Variants in ZFHX4 observed in about 807,000 individuals in gnomAD.
ZFHX4 encodes the protein zinc finger homeobox protein 4.
ZFHX4 carries 56 observed loss-of-function variants against 267.6 expected under a neutral mutation model. The observed-to-expected ratio is 0.21, with a 90% confidence interval of 0.17 to 0.26. ZFHX4 has a LOEUF of 0.26. ZFHX4 is among the 10% of genes least tolerant of loss of function. The pLI is 1.00. For synonymous variants in ZFHX4, 1,778 were observed against 1,665.6 expected, an observed-to-expected ratio of 1.07 and a Z score of -1.64; for missense variants, 4,332 against 4,420.0, an observed-to-expected ratio of 0.98 and a Z score of 0.56.
chr8:76,765,966 T>G (rs1810040868), intron 3 of ZFHX4, among the ~76,000 whole-genome samples: 1 of 152,126 alleles, frequency 6.6e-6, no homozygotes, highest in Admixed American at 6.6e-5. Context: ...TCACAGGAGA[T>G]GTATGATATG....
intron 1 of ZFHX4, among the ~76,000 whole-genome samples, chr8:76,691,142 G>C (rs1807814488): frequency 1.3e-5 from 2 of 152,094 alleles, no homozygotes; most frequent in South Asian, 4.1e-4. Flanking sequence ...AGGTTGTGGA[G>C]ATGGTGAAGA....
chr8:76,864,444 C>T lies in ZFHX4; in HGVS notation c.10730C>T (p.Ser3577Phe). Reference protein sequence around the residue: ...SLPTESCSDESDSELSQKLED... With the variant: ...SLPTESCSDEFDSELSQKLED... ...CCCACAGAAAGTTGTTCAGATGAGTCTGACAGTGAGCTGAGCCAGAAGCTA... is the reference window on the plus strand; with the variant it reads ...CCCACAGAAAGTTGTTCAGATGAGTTTGACAGTGAGCTGAGCCAGAAGCTA... Residue 3577 changes from serine to phenylalanine, a missense_variant, in exon 11 of 11, where the codon TCT (serine) becomes TTT (phenylalanine). By Grantham distance (155) the Ser-to-Phe change is radical. Coordinates refer to ENST00000651372, the MANE Select transcript of ZFHX4 (RefSeq NM_024721.5). 6.2e-7 allele frequency: 1 copy of T among 1,613,720 alleles called. No homozygotes were observed. Among genetic ancestry groups the T allele is most frequent in the East Asian group, 2.2e-5 (1 of 44,836 alleles).
At chr8:76,756,704 C>T (rs1809772897) in intron 3 of ZFHX4, among the ~76,000 whole-genome samples, 1 of 152,026 alleles carries the variant, frequency 6.6e-6, no homozygotes, top group South Asian at 2.1e-4. Context: ...CTATAAATGT[C>T]TGTCTTTTCC....
intron 3 of ZFHX4, among the ~76,000 whole-genome samples, chr8:76,742,391 T>C (rs556215546): frequency 1.3e-5 from 2 of 152,296 alleles, no homozygotes; most frequent in South Asian, 4.1e-4. Flanking sequence ...CAACTGGACC[T>C]TTACCTAGCA....
At chr8:76,776,229 TG>T (rs2131765871) in intron 3 of ZFHX4, among the ~76,000 whole-genome samples, 1 of 152,090 alleles carries the variant, frequency 6.6e-6, no homozygotes, top group Non-Finnish European at 1.5e-5. Flanking sequence ...GAAATGACAT[TG>T]GTTGAATACC....
At chr8:76,849,905 G>A in intron 8 of ZFHX4, 193 bp downstream of exon 8, 1 of 624,944 alleles carries the variant, frequency 1.6e-6, no homozygotes, top group Non-Finnish European at 2.8e-6. Context: ...ATGGTACAAG[G>A]CATAGCTTAG....
At position 76,852,934 on chromosome 8, in the gene ZFHX4, C is replaced by A; in HGVS notation, c.6013C>A (p.Pro2005Thr). 6.3e-7 allele frequency: 1 copy of A among 1,589,688 alleles called. No individual in the cohort carries two copies. The highest frequency in any genetic ancestry group is 8.6e-7 in the Non-Finnish European group (1 of 1,167,388). ...ISPSSPETPP[P>T]PPPPPPLPPA... is the part of the protein sequence containing the mutation. ...TCCATCTTCTCCAGAAACGCCGCCC[C>A]CGCCACCTCCTCCTCCTCCCTTGCC... is the stretch of plus-strand genomic sequence containing the variant. Residue 2005 changes from proline to threonine, a missense_variant, in exon 10 of 11, where the codon CCG becomes ACG. Physicochemically the swap from Pro to Thr is conservative, Grantham distance 38. Transcript: ENST00000651372.
At chr8:76,762,600 C>G (rs1471232462) in intron 3 of ZFHX4, among the ~76,000 whole-genome samples, 3 of 152,122 alleles carry the variant, frequency 2.0e-5, no homozygotes, top group African/African-American at 7.2e-5. Flanking sequence ...TGTGCTACCC[C>G]AAATTTTTTA....
chr8:76,766,828 T>C (rs1185281103), intron 3 of ZFHX4, among the ~76,000 whole-genome samples: 1 of 149,436 alleles, frequency 6.7e-6, no homozygotes, highest in Non-Finnish European at 1.5e-5. Flanking sequence ...TTTCAATTAC[T>C]ATTTAAATAA....
intron 3 of ZFHX4, among the ~76,000 whole-genome samples, chr8:76,738,530 G>A (rs1357325132): frequency 6.6e-6 from 1 of 152,022 alleles, no homozygotes; most frequent in Non-Finnish European, 1.5e-5. Flanking sequence ...AATATTCATT[G>A]TCTATCCATA....
Position 76,852,607 on chromosome 8 carries a change from C to G in ZFHX4, c.5686C>G (p.Pro1896Ala), listed in dbSNP as rs750451912. The G allele has an allele frequency of 6.2e-7, 1 of 1,612,394 alleles. No individual in the cohort carries two copies. Among genetic ancestry groups the G allele is most frequent in the Admixed American group, 1.7e-5 (1 of 59,770 alleles). The change falls in exon 10 of 11, where the codon CCA (proline) becomes GCA (alanine). Residue 1896 changes from proline (P) to alanine (A), a missense_variant. Pro to Ala is a conservative substitution (Grantham distance 27, BLOSUM62 -1). This residue lies in a region of ZFHX4 where 1,371 missense variants were observed against 1,423.1 expected (regional missense o/e 0.96). Coordinates refer to ENST00000651372, the MANE Select transcript of ZFHX4 (RefSeq NM_024721.5). ...GCAAAAATCCTTGGAACCATCCATC[C>G]CACCACCCCGAATAGCTTCAGGGGC... ...KKQKSLEPSI[P>A]PPRIASGARG...
chr8:76,703,806 C>T (rs1483840382), intron 1 of ZFHX4, among the ~76,000 whole-genome samples: 1 of 152,148 alleles, frequency 6.6e-6, no homozygotes, highest in Non-Finnish European at 1.5e-5. Flanking sequence ...CTTATGAATG[C>T]TCATAGCGAC....
In ZFHX4 at chr8:76,863,971, A is replaced by C; in HGVS notation, c.10257A>C (p.Val3419=). 1 of 1,613,002 alleles carries C rather than the reference A, an allele frequency of 6.2e-7. No homozygotes were observed. The highest frequency in any genetic ancestry group is 8.5e-7 in the Non-Finnish European group (1 of 1,179,466). ...TGTTTACTGATGAAGACGCCGCAGT[A>C]AATCATCAAAAGTCCTTCTGTTATT... ...QMMFTDEDAA[V]NHQKSFCYFG... Residue 3419 remains valine, a synonymous_variant, in exon 11 of 11, where the codon GTA becomes GTC. Coordinates refer to ENST00000651372, the MANE Select transcript of ZFHX4 (RefSeq NM_024721.5).
At chr8:76,824,416 C>T (rs907188567) in intron 4 of ZFHX4, among the ~76,000 whole-genome samples, 3 of 152,104 alleles carry the variant, frequency 2.0e-5, no homozygotes, top group African/African-American at 7.2e-5. Context: ...CGTATCTTCT[C>T]ATCAAGTTTT....
Position 76,850,248 on chromosome 8 carries a change from C to G in ZFHX4, c.3850C>G (p.Pro1284Ala), listed in dbSNP as rs574818617. 1.7e-5 allele frequency: 28 copies of G among 1,611,260 alleles called. 3 individuals carry two copies. In the South Asian group the frequency reaches 3.0e-4, roughly 17 times the overall value. ...DCVEKLLMTV[P>A]VPDVMMPNSM... is the part of the protein sequence containing the mutation. ...TAAACCCCTTTGGTTTCCAAAGGTG[C>G]CTGTCCCTGATGTGATGATGCCAAA... Residue 1284 changes from proline (P) to alanine (A), a missense_variant, in exon 9 of 11, where the codon CCT (proline) becomes GCT (alanine). Around this residue, in one of 7 missense-constraint regions of ZFHX4, gnomAD observed 1,371 missense variants for 1,423.1 expected, o/e 0.96. Transcript: ENST00000651372.
chr8:76,855,810 G>T lies in ZFHX4; in HGVS notation c.8889G>T (p.Gly2963=). 6.2e-7 allele frequency: 1 copy of T among 1,613,918 alleles called. No homozygotes were observed. Among genetic ancestry groups the T allele is most frequent in the African/African-American group, 1.3e-5 (1 of 75,052 alleles). Residue 2963 remains glycine (G), a synonymous_variant, in exon 10 of 11, where the codon GGG becomes GGT. Transcript: ENST00000651372. ...CCATGCAAGAATGTGAAATGTTAGG[G>T]AATGAGATTGGTCTGCCCAAACGCG... ...TPTMQECEML[G]NEIGLPKRVV... is the part of the protein sequence containing the mutation.
intron 3 of ZFHX4, among the ~76,000 whole-genome samples, chr8:76,749,468 G>C (rs1336415603): frequency 6.6e-6 from 1 of 152,114 alleles, no homozygotes; most frequent in African/African-American, 2.4e-5. Context: ...TTTTCTTGAT[G>C]AGATGTTCAG....
chr8:76,797,596 G>C (rs1050445054), intron 4 of ZFHX4, among the ~76,000 whole-genome samples: 2 of 152,144 alleles, frequency 1.3e-5, no homozygotes, highest in African/African-American at 4.8e-5. Flanking sequence ...ACAATATTTA[G>C]TCAGCCCTTT....
intron 3 of ZFHX4, among the ~76,000 whole-genome samples, chr8:76,735,219 T>G (rs765949285): frequency 6.6e-6 from 1 of 152,112 alleles, no homozygotes; most frequent in African/African-American, 2.4e-5. Context: ...TAATGTGAGC[T>G]TTCCAAAAGA....
Sources: allele counts gnomAD v4.1 joint callset (sites outside exome capture counted in the v4.1 genomes callset), GRCh38; gene constraint gnomAD v4.1.1; regional missense constraint gnomAD v4.1.1; transcripts MANE v1.5; gene names NCBI Gene and HGNC (gene_info 2026-07-23, HGNC 2026-07-21).